The following PTK2 variants were observed in gnomAD, a reference collection of about 807,000 sequenced individuals.
PTK2 encodes focal adhesion kinase 1.
PTK2 carries 45 observed loss-of-function variants against 150.1 expected under a neutral mutation model. The ratio of observed to expected loss-of-function variants is 0.30; its 90% CI spans 0.24 to 0.38. PTK2 has a LOEUF of 0.38. Ranked by LOEUF, PTK2 falls within the 10% of genes least tolerant of loss-of-function variation. The pLI is 1.00. For missense variants in PTK2, 919 were observed against 1,307.3 expected (o/e 0.70, Z 4.58); for synonymous variants, 432 against 449.2 (o/e 0.96, Z 0.48).
chr8:140,933,554 A>G (rs1409414279), intron 1 of PTK2, among the ~76,000 whole-genome samples: 1 of 152,220 alleles, frequency 6.6e-6, no homozygotes, highest in East Asian at 1.9e-4. Context: ...TTATTGTCAA[A>G]TATTATTCTG....
At chr8:140,854,763 T>A (rs914676324) in intron 5 of PTK2, among the ~76,000 whole-genome samples, 1 of 152,150 alleles carries the variant, frequency 6.6e-6, no homozygotes, top group African/African-American at 2.4e-5. Context: ...TAATTATGTC[T>A]AACTAGTAAT....
chr8:140,935,702 C>CTTTTTTTTTTTTTTTTTTTTTTTTTTT (rs34554819), intron 1 of PTK2, among the ~76,000 whole-genome samples: 28 of 123,854 alleles, frequency 2.3e-4, no homozygotes, highest in African/African-American at 8.2e-4. Flanking sequence ...ATGTCCTCAT[C>CTTTTTTTTTTTTTTTTTTTTTTTTTTT]TTTTTTTTTT....
intron 5 of PTK2, among the ~76,000 whole-genome samples, chr8:140,848,994 T>C (rs1279452483): frequency 6.6e-6 from 1 of 152,136 alleles, no homozygotes; most frequent in Admixed American, 6.5e-5. Context: ...AAATGCTATA[T>C]TTCATCATCA....
chr8:140,731,461 A>G (rs1391095114), intron 22 of PTK2, among the ~76,000 whole-genome samples: 1 of 152,208 alleles, frequency 6.6e-6, no homozygotes, highest in Non-Finnish European at 1.5e-5. Context: ...ATACCTATGA[A>G]TAAGTAAACA....
chr8:140,899,438 C>T (rs1299704483), intron 2 of PTK2, among the ~76,000 whole-genome samples: 3 of 152,118 alleles, frequency 2.0e-5, no homozygotes, highest in African/African-American at 7.2e-5. Context: ...AATTCTTGGA[C>T]ACATACAACC....
At chr8:140,985,051 T>C (rs1448637175) in intron 1 of PTK2, among the ~76,000 whole-genome samples, 3 of 152,196 alleles carry the variant, frequency 2.0e-5, no homozygotes, top group Non-Finnish European at 2.9e-5. Flanking sequence ...GTAATAACAT[T>C]ATATTACCAG....
At chr8:140,946,308 C>T (rs1303923960) in intron 1 of PTK2, among the ~76,000 whole-genome samples, 2 of 152,122 alleles carry the variant, frequency 1.3e-5, no homozygotes, top group Admixed American at 6.6e-5. Flanking sequence ...TGGCTCAATA[C>T]TGAGTTATGT....
chr8:140,896,028 T>C (rs1169679891), intron 2 of PTK2, among the ~76,000 whole-genome samples: 1 of 151,844 alleles, frequency 6.6e-6, no homozygotes, highest in Non-Finnish European at 1.5e-5. Flanking sequence ...GAAGAGAATA[T>C]AATAAGAGGT....
At position 140,859,608 on chromosome 8, in the gene PTK2, T is replaced by C. The variant is rs79207420; in HGVS notation, c.450+4704A>G. Among the ~76,000 whole-genome samples the C allele has an allele frequency of 8.5e-3, 1,301 of 152,266 alleles. 11 individuals carry two copies. Among genetic ancestry groups the C allele is most frequent in the Middle Eastern group, 0.024 (7 of 292 alleles). ...TGCGTATCATCAAATTCTGAGGCCA[T>C]TATAAAGTGACTAATTTATCTCACA... On this transcript the variant is annotated intron_variant, in intron 5 of 31. Coordinates refer to ENST00000522684, the Ensembl canonical transcript of PTK2.
chr8:140,759,501 T>C (rs2100067962), intron 16 of PTK2, among the ~76,000 whole-genome samples: 1 of 122,042 alleles, frequency 8.2e-6, no homozygotes, highest in Admixed American at 1.1e-4. Flanking sequence ...ACCACTGTAC[T>C]CCCTTGGTGA....
exon 32 of PTK2, chr8:140,659,288 A>G (rs573679341): frequency 3.6e-6 from 2 of 555,468 alleles, no homozygotes; most frequent in East Asian, 3.0e-5. Context: ...CAAAAAATGA[A>G]CCCAAATCAA....
In PTK2 at chr8:140,803,528, G is replaced by GTT. The variant is rs764574119; in HGVS notation, c.975+14_975+15insAA. 3 of 1,581,090 alleles carry GTT rather than the reference G, an allele frequency of 1.9e-6. No homozygotes were observed. Among genetic ancestry groups the GTT allele is most frequent in the South Asian group, 1.1e-5 (1 of 90,366 alleles). ...TAACCATTTTCCCTTAATGATGAAC[G>GTT]TAACAGTTCCTTACCTCGGGTGCAC... On this transcript the variant is annotated intron_variant, in intron 11 of 31. Transcript: ENST00000522684.
chr8:140,775,864 CCT>C, intron 14 of PTK2, among the ~76,000 whole-genome samples: 1 of 152,290 alleles, frequency 6.6e-6, no homozygotes. Context: ...ATTTTGAAAT[CCT>C]CTGTCAGAGA....
chr8:140,747,125 C>A (rs2100059402), intron 17 of PTK2: 1 of 284,102 alleles, frequency 3.5e-6, no homozygotes, highest in East Asian at 8.6e-5. Flanking sequence ...CTCTTGACCT[C>A]ATGATCTACC....
intron 24 of PTK2, among the ~76,000 whole-genome samples, chr8:140,703,110 C>G (rs966705157): frequency 1.4e-4 from 21 of 152,032 alleles, no homozygotes; most frequent in African/African-American, 4.6e-4. Flanking sequence ...CTTTGGGAGG[C>G]CGAGGCAGGC....
chr8:140,707,543 T>C (rs2100034511), intron 23 of PTK2, among the ~76,000 whole-genome samples: 1 of 44,904 alleles, frequency 2.2e-5, no homozygotes, highest in Admixed American at 2.1e-4. Context: ...GTAGCTGGGA[T>C]TACAGGCAGC....
Position 140,752,334 on chromosome 8 carries a change from T to C in PTK2, c.1333-18A>G, listed in dbSNP as rs772858967. 3.7e-6 allele frequency: 6 copies of C among 1,605,948 alleles called. No homozygotes were observed. Among genetic ancestry groups the C allele is most frequent in the East Asian group, 2.2e-5 (1 of 44,830 alleles). On this transcript the variant is annotated intron_variant, in intron 16 of 31. Coordinates refer to ENST00000522684, the Ensembl canonical transcript of PTK2. ...GGATTCTCCTGTGTTAGGGAAATTA[T>C]AGAATCACACACACATGCAAAAAGG...
chr8:140,942,824 G>T (rs1399142263), intron 1 of PTK2, among the ~76,000 whole-genome samples: 2 of 152,214 alleles, frequency 1.3e-5, no homozygotes, highest in Non-Finnish European at 2.9e-5. Flanking sequence ...GTAGTCCCCA[G>T]TGTTGGAAGT....
intron 16 of PTK2, among the ~76,000 whole-genome samples, chr8:140,759,817 T>G (rs1353147855): frequency 2.6e-5 from 4 of 151,984 alleles, no homozygotes. Flanking sequence ...CACTCCAGCC[T>G]GACTGACAGA....
Sources: gnomAD v4.1 joint callset for allele counts (sites outside exome capture counted in the v4.1 genomes callset) on GRCh38, gnomAD v4.1.1 for gene constraint, MANE v1.5 for transcripts, NCBI Gene and HGNC (gene_info 2026-07-23, HGNC 2026-07-21) for gene names.